Variants in ZNRF1 observed in about 807,000 individuals in gnomAD.
The protein encoded by ZNRF1 is zinc and ring finger 1, also known as E3 ubiquitin-protein ligase ZNRF1.
ZNRF1 carries 3 observed loss-of-function variants against 18.4 expected under a neutral mutation model. The observed-to-expected ratio is 0.16, with a 90% CI of 0.07 to 0.42. The LOEUF (loss-of-function observed/expected upper bound fraction) is 0.42. Ranked by LOEUF, ZNRF1 falls within the 10% of genes least tolerant of loss-of-function variation. The pLI, the probability that ZNRF1 is intolerant of heterozygous loss-of-function variation, is 0.99. For synonymous variants in ZNRF1, 157 were observed against 144.2 expected (o/e 1.09, Z -0.64); for missense variants, 310 against 329.8 (o/e 0.94, Z 0.47).
At position 75,067,039 on chromosome 16, in the gene ZNRF1, T is replaced by A. The variant is rs149017961; in HGVS notation, c.425-26533T>A. Among the ~76,000 whole-genome samples the A allele has an allele frequency of 3.0e-3, 452 of 152,246 alleles. 1 individual carries two copies. The highest frequency in any genetic ancestry group is 5.0e-3 in the Non-Finnish European group (343 of 68,020). ...CAGATGGTGGCTGTGGCTGCGACCA[T>A]CTCAAAGGCTTTTCACTCACATACC... On this transcript the variant is annotated intron_variant, in intron 1 of 4. Coordinates refer to ENST00000335325, the MANE Select transcript of ZNRF1 (RefSeq NM_032268.5).
At chr16:75,095,564 A>G (rs1467197699) in intron 2 of ZNRF1, 2 of 1,496,286 alleles carry the variant, frequency 1.3e-6, no homozygotes, top group South Asian at 2.5e-5. Flanking sequence ...GTGGGTTGCT[A>G]GGGCGTTCTC....
intron 1 of ZNRF1, among the ~76,000 whole-genome samples, chr16:75,051,069 C>T (rs1182440094): frequency 1.3e-5 from 2 of 149,516 alleles, no homozygotes; most frequent in Non-Finnish European, 3.0e-5. Context: ...GGTGTCGTGG[C>T]ACATGCCTGT....
chr16:75,042,587 T>C (rs1225891794), intron 1 of ZNRF1, among the ~76,000 whole-genome samples: 1 of 152,192 alleles, frequency 6.6e-6, no homozygotes, highest in Non-Finnish European at 1.5e-5. Context: ...CTTTCAATTC[T>C]GTTCCATTGA....
chr16:75,039,734 A>G (rs993511132), intron 1 of ZNRF1, among the ~76,000 whole-genome samples: 2 of 152,214 alleles, frequency 1.3e-5, no homozygotes, highest in African/African-American at 4.8e-5. Flanking sequence ...TTGGTCTGTC[A>G]ACAGGTGTTC....
intron 1 of ZNRF1, among the ~76,000 whole-genome samples, chr16:75,023,555 G>A (rs1424568451): frequency 6.6e-6 from 1 of 152,080 alleles, no homozygotes; most frequent in Non-Finnish European, 1.5e-5. Flanking sequence ...GTGGTGGCAG[G>A]CACCTGTAAT....
chr16:75,104,127 A>T (rs1465970228), intron 2 of ZNRF1: 1 of 152,304 alleles, frequency 6.6e-6, no homozygotes, highest in Non-Finnish European at 1.5e-5. Flanking sequence ...ATGGGTTCAT[A>T]CAATAGGTGG....
chr16:75,024,287 T>C (rs764011259), intron 1 of ZNRF1, among the ~76,000 whole-genome samples: 1 of 152,198 alleles, frequency 6.6e-6, no homozygotes, highest in Non-Finnish European at 1.5e-5. Flanking sequence ...GCTCGGAGTT[T>C]ACTGTTAAGA....
intron 1 of ZNRF1, among the ~76,000 whole-genome samples, chr16:75,071,077 TAGA>T (rs1320509659): frequency 2.7e-5 from 4 of 148,712 alleles, no homozygotes; most frequent in African/African-American, 7.4e-5. Flanking sequence ...AGCTGAAAAC[TAGA>T]AGGTCAGGCA....
chr16:75,025,311 G>A lies in ZNRF1; in HGVS notation c.424+25216G>A, dbSNP rs181880146. Among the ~76,000 whole-genome samples the A allele has an allele frequency of 4.6e-3, 697 of 152,072 alleles. 2 individuals carry two copies. The highest frequency in any genetic ancestry group is 0.014 in the Middle Eastern group (4 of 294). Reference sequence around the variant, plus strand: ...TCTCGATCTCCTGACCTTGTGATCCGCCCATCTCGGCCTCCCAAAGTGCTG... The same window carrying A: ...TCTCGATCTCCTGACCTTGTGATCCACCCATCTCGGCCTCCCAAAGTGCTG... On this transcript the variant is annotated intron_variant, in intron 1 of 4. Transcript: ENST00000335325.
At chr16:75,096,310 AC>A (rs1197036296) in intron 2 of ZNRF1, among the ~76,000 whole-genome samples, 2 of 151,986 alleles carry the variant, frequency 1.3e-5, no homozygotes, top group Non-Finnish European at 2.9e-5. Flanking sequence ...TTTTCTGAAG[AC>A]CCTAAACCTT....
chr16:75,107,162 A>G (rs989925), intron 4 of ZNRF1: 15,123 of 173,396 alleles, frequency 0.087, 813 homozygotes, highest in Admixed American at 0.14. Flanking sequence ...GACTCCACAC[A>G]TCCCCCTGGC....
rs1555509222 is a variant in ZNRF1, at chr16:75,010,711, G to GTTGTTTTTTTTTTTTTT, written c.424+10618_424+10619insGTTTTTTTTTTTTTTTT. 5.4e-5 allele frequency among the ~76,000 whole-genome samples: 4 copies of GTTGTTTTTTTTTTTTTT among 74,324 alleles called. 2 individuals carry two copies. The highest frequency in any genetic ancestry group is 6.3e-5 in the Non-Finnish European group (2 of 31,902). The allele number at this position is 74,324 out of a possible 152,430, so 48.8% of individuals were successfully genotyped here. On this transcript the variant is annotated intron_variant, in intron 1 of 4. Transcript: ENST00000335325. ...CCTCTGTACTGTACTGTTTTTTTTTGTTTTTTTGTTTTTTTTTTTTTGAGG... is the reference window on the plus strand; with the variant it reads ...CCTCTGTACTGTACTGTTTTTTTTTGTTGTTTTTTTTTTTTTTTTTTTTTGTTTTTTTTTTTTTGAGG...
intron 1 of ZNRF1, among the ~76,000 whole-genome samples, chr16:75,041,528 A>T (rs1183812233): frequency 6.6e-6 from 1 of 150,424 alleles, no homozygotes; most frequent in Non-Finnish European, 1.5e-5. Context: ...ATGGGGTTTC[A>T]CCATGTTGGC....
intron 1 of ZNRF1, among the ~76,000 whole-genome samples, chr16:75,056,925 C>T (rs1249661354): frequency 6.6e-6 from 1 of 152,016 alleles, no homozygotes; most frequent in African/African-American, 2.4e-5. Context: ...GCCTGAGCCA[C>T]TGCGCCTGGT....
intron 1 of ZNRF1, among the ~76,000 whole-genome samples, chr16:75,060,602 A>G (rs1055121411): frequency 2.0e-5 from 3 of 148,884 alleles, no homozygotes; most frequent in East Asian, 2.0e-4. Flanking sequence ...CCTCCCTCCC[A>G]AGTAGCTGGT....
intron 1 of ZNRF1, among the ~76,000 whole-genome samples, chr16:75,022,902 A>T (rs558611266): frequency 6.6e-6 from 1 of 152,194 alleles, no homozygotes. Flanking sequence ...TTCTGCATCA[A>T]CTATGTTTAG....
intron 1 of ZNRF1, among the ~76,000 whole-genome samples, chr16:75,056,329 G>A (rs897684494): frequency 6.6e-6 from 1 of 152,200 alleles, no homozygotes; most frequent in Non-Finnish European, 1.5e-5. Flanking sequence ...GGCCCTGAAA[G>A]GGTTGAGTAT....
chr16:75,032,379 G>T lies in ZNRF1; in HGVS notation c.424+32284G>T, dbSNP rs534739504. Among the ~76,000 whole-genome samples, 156 of 152,112 alleles carry T rather than the reference G, an allele frequency of 1.0e-3. 2 individuals are homozygous for T. Among genetic ancestry groups the T allele is most frequent in the Middle Eastern group, 3.4e-3 (1 of 294 alleles). On this transcript the variant is annotated intron_variant, in intron 1 of 4. Coordinates refer to ENST00000335325, the MANE Select transcript of ZNRF1 (RefSeq NM_032268.5). ...CCACCTCAGCCTCCCAAAGTGCTGG[G>T]ATTACAGGCATGAGCCACTGCACCC...
chr16:75,017,931 C>G (rs1419557608), intron 1 of ZNRF1, among the ~76,000 whole-genome samples: 1 of 152,146 alleles, frequency 6.6e-6, no homozygotes, highest in East Asian at 1.9e-4. Flanking sequence ...AGGCTTGGCA[C>G]CAGACTGTCT....
Sources: allele counts gnomAD v4.1 joint callset (sites outside exome capture counted in the v4.1 genomes callset), GRCh38; gene constraint gnomAD v4.1.1; transcripts MANE v1.5; gene names NCBI Gene and HGNC (gene_info 2026-07-23, HGNC 2026-07-21).